Variants in RAP1B observed in about 807,000 individuals in gnomAD.
The protein encoded by RAP1B is ras-related protein Rap-1b.
Under a neutral mutation model 27.5 loss-of-function variants are expected in RAP1B, and 1 was observed. The observed-to-expected ratio is 0.04, with a 90% CI of 0.01 to 0.17. RAP1B has a LOEUF of 0.17. Among genes scored for constraint, RAP1B ranks in the 10% least tolerant of loss-of-function variants. The probability of loss-of-function intolerance (pLI) is 1.00; values close to 1 mark genes in which losing one functional copy is unlikely to be tolerated. For missense variants in RAP1B, 84 were observed against 214.8 expected (o/e 0.39, Z 3.81); for synonymous variants, 75 against 73.1 (o/e 1.03, Z -0.13).
chr12:68,628,216 A>G (rs759451521), intron 1 of RAP1B, among the ~76,000 whole-genome samples: 2 of 152,182 alleles, frequency 1.3e-5, no homozygotes, highest in African/African-American at 2.4e-5. Context: ...TTAACTTGAG[A>G]TGGAAGAGAT....
chr12:68,669,815 G>A lies in RAP1B; in HGVS notation c.*10566G>A, dbSNP rs1023144068. 6 of 151,036 alleles carry A rather than the reference G, an allele frequency of 4.0e-5. No homozygotes were observed. Among genetic ancestry groups the A allele is most frequent in the African/African-American group, 1.5e-4 (6 of 41,074 alleles). The allele number at this position is 151,036 out of a possible 1,614,324, so 9.4% of individuals were successfully genotyped here. A position where few individuals can be genotyped will look rare whatever the true frequency, so the allele number is the denominator to read the frequency against. ...TCTCTATCTCAAGAAAAAGAAAAAA[G>A]AAAAGAAATTAAGCAAAATGATCTT... On this transcript the variant is annotated 3_prime_UTR_variant, in exon 8 of 8. Coordinates refer to ENST00000250559, the MANE Select transcript of RAP1B (RefSeq NM_001010942.3).
intron 1 of RAP1B, among the ~76,000 whole-genome samples, chr12:68,644,502 T>C (rs957991451): frequency 3.3e-5 from 5 of 151,256 alleles, no homozygotes; most frequent in Admixed American, 6.6e-5. Context: ...GAGAATGGCA[T>C]GAACCTGGGA....
intron 1 of RAP1B, among the ~76,000 whole-genome samples, chr12:68,616,518 C>T (rs1368345070): frequency 1.4e-5 from 2 of 145,398 alleles, no homozygotes; most frequent in Non-Finnish European, 3.0e-5. Flanking sequence ...GCAATCTCAG[C>T]TCACTGCAAC....
intron 1 of RAP1B, among the ~76,000 whole-genome samples, chr12:68,636,424 GT>G (rs377533270): frequency 4.0e-4 from 61 of 152,238 alleles, no homozygotes; most frequent in African/African-American, 1.4e-3. Context: ...TATAAGCACT[GT>G]TTTTTTGTTG....
intron 1 of RAP1B, among the ~76,000 whole-genome samples, chr12:68,635,832 C>T (rs1350288534): frequency 1.3e-5 from 2 of 152,000 alleles, no homozygotes; most frequent in Admixed American, 6.6e-5. Flanking sequence ...AGTTAAACAA[C>T]TTGAGATTGG....
Position 68,643,105 on chromosome 12 carries a change from TTTTG to T in RAP1B, c.-26-5590_-26-5587del, listed in dbSNP as rs1873140902. On this transcript the variant is annotated intron_variant, in intron 1 of 7. Transcript: ENST00000250559. Reference sequence around the variant, plus strand: ...TCAGAGTTTTTCTGTTGATTATAGTTTTTGTTTTTCTTCCAAAATCTCTTCACTT... The same window carrying T: ...TCAGAGTTTTTCTGTTGATTATAGTTTTTTTCTTCCAAAATCTCTTCACTT... 5.0e-6 allele frequency: 3 copies of T among 601,112 alleles called. No homozygotes were observed. The South Asian group carries it at 6.2e-5, about 12-fold the overall frequency. The allele number at this position is 601,112 out of a possible 1,614,324, so 37.2% of individuals were successfully genotyped here.
chr12:68,623,956 G>T (rs1280074133), intron 1 of RAP1B, among the ~76,000 whole-genome samples: 2 of 152,022 alleles, frequency 1.3e-5, no homozygotes, highest in Non-Finnish European at 2.9e-5. Context: ...AGGAGGCGGA[G>T]GTTGCAGTGA....
intron 1 of RAP1B, among the ~76,000 whole-genome samples, chr12:68,625,299 C>G (rs12309716): frequency 0.062 from 9,430 of 152,082 alleles, 726 homozygotes; most frequent in African/African-American, 0.19. Flanking sequence ...TGAATAAACT[C>G]AAGAGGGTAG....
In RAP1B at chr12:68,620,788, A is replaced by G. The variant is rs377104917; in HGVS notation, c.-27+9745A>G. Among the ~76,000 whole-genome samples the G allele has an allele frequency of 4.6e-5, 7 of 152,088 alleles. No individual in the cohort carries two copies. The East Asian group carries it at 1.2e-3, about 25-fold the overall frequency. ...ACTTTTGTAGAGACAGGGTTTTGCC[A>G]TGTTGCCCAGGCTGGTGTCAAACTC... On this transcript the variant is annotated intron_variant, in intron 1 of 7. Coordinates refer to ENST00000250559, the MANE Select transcript of RAP1B (RefSeq NM_001010942.3).
At chr12:68,640,518 TA>T (rs1331646205) in intron 1 of RAP1B, among the ~76,000 whole-genome samples, 1 of 152,206 alleles carries the variant, frequency 6.6e-6, no homozygotes, top group African/African-American at 2.4e-5. Flanking sequence ...TGCTGTATTA[TA>T]GTAGTGTTAA....
At chr12:68,655,958 G>A (rs1358712204) in intron 5 of RAP1B, among the ~76,000 whole-genome samples, 2 of 152,138 alleles carry the variant, frequency 1.3e-5, no homozygotes, top group East Asian at 1.9e-4. Flanking sequence ...ATCATAGCTT[G>A]TTTTCTCAAA....
chr12:68,639,842 G>T (rs910766909), intron 1 of RAP1B, among the ~76,000 whole-genome samples: 3 of 150,810 alleles, frequency 2.0e-5, no homozygotes, highest in Admixed American at 1.3e-4. Flanking sequence ...CCCCACCAAA[G>T]ATTTTTTTTT....
intron 1 of RAP1B, among the ~76,000 whole-genome samples, chr12:68,620,707 G>T (rs187990701): frequency 1.3e-5 from 2 of 151,102 alleles, no homozygotes; most frequent in African/African-American, 4.9e-5. Context: ...CTCAGTTGAT[G>T]CATCTCAGCG....
At chr12:68,652,679 G>A (rs922551776) in intron 4 of RAP1B, among the ~76,000 whole-genome samples, 5 of 152,042 alleles carry the variant, frequency 3.3e-5, no homozygotes, top group East Asian at 1.9e-4. Context: ...TTAGCCGGGC[G>A]TGGTGTTACA....
Position 68,664,260 on chromosome 12 carries a change from C to T in RAP1B, c.*5011C>T, listed in dbSNP as rs529867484. The T allele has an allele frequency of 1.2e-4, 19 of 152,192 alleles. No homozygotes were observed. The highest frequency in any genetic ancestry group is 3.6e-4 in the African/African-American group (15 of 41,526). 9.4% of individuals were successfully genotyped at this position (152,192 alleles called of 1,614,324 possible). ...AAAAGCCTCTAATGTTTTTGTCATCCGCCATTATTACCCATTCAAATTTCT... is the reference window on the plus strand; with the variant it reads ...AAAAGCCTCTAATGTTTTTGTCATCTGCCATTATTACCCATTCAAATTTCT... On this transcript the variant is annotated 3_prime_UTR_variant, in exon 8 of 8. Coordinates refer to ENST00000250559, the MANE Select transcript of RAP1B (RefSeq NM_001010942.3).
intron 5 of RAP1B, among the ~76,000 whole-genome samples, chr12:68,655,528 T>C (rs887289950): frequency 6.7e-6 from 1 of 149,974 alleles, no homozygotes. Context: ...TAGTAAATTT[T>C]GATTGGCTTT....
intron 1 of RAP1B, among the ~76,000 whole-genome samples, chr12:68,629,229 C>T (rs558004792): frequency 6.6e-6 from 1 of 152,266 alleles, no homozygotes; most frequent in South Asian, 2.1e-4. Flanking sequence ...TCTACCTACC[C>T]CAGCCTCTCA....
intron 1 of RAP1B, among the ~76,000 whole-genome samples, chr12:68,637,408 G>T (rs1164483430): frequency 6.6e-6 from 1 of 151,872 alleles, no homozygotes; most frequent in Non-Finnish European, 1.5e-5. Flanking sequence ...GATAAGCCTG[G>T]CCATCATGGT....
intron 3 of RAP1B, chr12:68,651,691 A>C: frequency 3.5e-6 from 1 of 285,690 alleles, no homozygotes; most frequent in Non-Finnish European, 6.7e-6. Flanking sequence ...TATTTGAGCT[A>C]TTTCGAAACT....
Sources: allele counts gnomAD v4.1 joint callset (sites outside exome capture counted in the v4.1 genomes callset), GRCh38; gene constraint gnomAD v4.1.1; transcripts MANE v1.5; gene names NCBI Gene and HGNC (gene_info 2026-07-23, HGNC 2026-07-21).